Variants in MGAM2 observed in about 807,000 individuals in gnomAD.
MGAM2 encodes the protein probable maltase-glucoamylase 2.
In MGAM2, 98 loss-of-function variants were observed where a neutral mutation model predicts 96.1. The observed-to-expected ratio is 1.02, with a 90% CI of 0.87 to 1.21. The LOEUF (loss-of-function observed/expected upper bound fraction) is 1.21, where lower values mean the gene tolerates loss of function less well. Ranked by LOEUF, MGAM2 falls within the 50% of genes most tolerant of loss-of-function variation. The pLI, the probability that MGAM2 is intolerant of heterozygous loss-of-function variation, is 0.00. For synonymous variants in MGAM2, 749 were observed against 414.8 expected, an observed-to-expected ratio of 1.81 and a Z score of -9.79; for missense variants, 2,055 against 1,182.4, an observed-to-expected ratio of 1.74 and a Z score of -10.82.
chr7:142,130,893 A>G, intron 3 of MGAM2, 55 bp from the exon 4 acceptor site: 1 of 683,296 alleles, frequency 1.5e-6, no homozygotes, highest in East Asian at 2.7e-5. Flanking sequence ...AAATAGACAG[A>G]TAATACTTTC....
chr7:142,221,430 A>G lies in MGAM2; in HGVS notation c.6919A>G (p.Ile2307Val). 1 of 590,586 alleles carries G rather than the reference A, an allele frequency of 1.7e-6. No homozygotes were observed. The highest frequency in any genetic ancestry group is 3.0e-6 in the Non-Finnish European group (1 of 332,950). 36.6% of individuals were successfully genotyped at this position (590,586 alleles called of 1,614,324 possible). A position where few individuals can be genotyped will look rare whatever the true frequency, so the allele number is the denominator to read the frequency against. Residue 2307 changes from isoleucine (I) to valine (V), a missense_variant, in exon 48 of 48, where the codon ATT becomes GTT. Coordinates refer to ENST00000477922, the MANE Select transcript of MGAM2 (RefSeq NM_001293626.2). ...PTIPTHTLTSIPSSITSILSM... is the reference protein window; with the variant it reads ...PTIPTHTLTSVPSSITSILSM... Reference sequence around the variant, plus strand: ...CATTCCTACCCATACTCTTACTTCTATTCCTAGCTCTATTACTTCTATTTT... The same window carrying G: ...CATTCCTACCCATACTCTTACTTCTGTTCCTAGCTCTATTACTTCTATTTT...
At chr7:142,192,865 AT>A (rs1385996970) in intron 37 of MGAM2, among the ~76,000 whole-genome samples, 1 of 152,162 alleles carries the variant, frequency 6.6e-6, no homozygotes, top group Non-Finnish European at 1.5e-5. Flanking sequence ...AGGCTGTGAA[AT>A]CTTCTAACTA....
At position 142,185,989 on chromosome 7, in the gene MGAM2, C is replaced by A. The variant is rs1160423400; in HGVS notation, c.3988C>A (p.Leu1330Ile). 3 of 703,194 alleles carry A rather than the reference C, an allele frequency of 4.3e-6. No individual in the cohort carries two copies. In the Admixed American group the frequency reaches 6.0e-5, roughly 14 times the overall value. 43.6% of individuals were successfully genotyped at this position (703,194 alleles called of 1,614,324 possible). Residue 1330 changes from leucine to isoleucine, a missense_variant and splice_region_variant, in exon 35 of 48, where the codon CTT becomes ATT. Coordinates refer to ENST00000477922, the MANE Select transcript of MGAM2 (RefSeq NM_001293626.2). The part of the protein sequence containing the change: ...GSLDHETQVK[L>I]YRAYVAFPDF... ...ATGAGAGTGTGTGTTATTCTTACAG[C>A]TTTACAGGGCCTACGTTGCCTTTCC...
chr7:142,159,793 A>G (rs1276047959), intron 20 of MGAM2, among the ~76,000 whole-genome samples: 2 of 152,206 alleles, frequency 1.3e-5, no homozygotes, highest in Non-Finnish European at 2.9e-5. Context: ...CAAATGTACA[A>G]TGAAATAATT....
At chr7:142,201,513 A>G (rs968611480) in intron 45 of MGAM2, among the ~76,000 whole-genome samples, 1 of 152,238 alleles carries the variant, frequency 6.6e-6, no homozygotes, top group South Asian at 2.1e-4. Context: ...CATTTTAAGA[A>G]TACAGTTAGG....
rs768403258 is a variant in MGAM2 at position 142,220,088 on chromosome 7, T to C, written c.5577T>C (p.Pro1859=). 5.7e-6 allele frequency: 4 copies of C among 702,924 alleles called. No individual in the cohort carries two copies. The South Asian group carries it at 5.9e-5, about 10-fold the overall frequency. 43.5% of individuals were successfully genotyped at this position (702,924 alleles called of 1,614,324 possible). A position where few individuals can be genotyped will look rare whatever the true frequency, so the allele number is the denominator to read the frequency against. ...NTTTGTTDTV[P]ITTTSFPSTT... is the part of the protein sequence containing the mutation. The stretch of plus-strand genomic sequence containing the variant: ...CCACTGGCACTACTGATACTGTTCC[T>C]ATCACAACCACATCTTTCCCAAGTA... Residue 1859 remains proline (P), a synonymous_variant, in exon 48 of 48, where the codon CCT becomes CCC. Transcript: ENST00000477922.
At chr7:142,129,452 T>C (rs1005041375) in intron 3 of MGAM2, among the ~76,000 whole-genome samples, 2 of 152,158 alleles carry the variant, frequency 1.3e-5, no homozygotes, top group Admixed American at 6.5e-5. Flanking sequence ...CAGAATGACA[T>C]GGTTTGACTC....
chr7:142,128,804 G>A (rs1311296797), intron 3 of MGAM2, among the ~76,000 whole-genome samples: 1 of 152,210 alleles, frequency 6.6e-6, no homozygotes, highest in Admixed American at 6.5e-5. Flanking sequence ...CATAGGTGGA[G>A]TCCTTATGGA....
chr7:142,183,498 C>T (rs778610164), intron 33 of MGAM2, 125 bp downstream of exon 33: 53 of 602,810 alleles, frequency 8.8e-5, no homozygotes, highest in Non-Finnish European at 1.2e-4. Flanking sequence ...GAAATCTGTC[C>T]GATGCTGATT....
intron 10 of MGAM2, among the ~76,000 whole-genome samples, chr7:142,139,841 A>G (rs1795169202): frequency 2.6e-5 from 4 of 151,684 alleles, no homozygotes; most frequent in Admixed American, 2.0e-4. Context: ...TTTTGGTGTC[A>G]AAGGGGAATT....
chr7:142,149,143 C>T (rs186932305), intron 15 of MGAM2, among the ~76,000 whole-genome samples: 9 of 151,850 alleles, frequency 5.9e-5, no homozygotes, highest in Admixed American at 2.6e-4. Context: ...GCAGGAGGAT[C>T]GCTTGAACCC....
chr7:142,215,887 A>T (rs1025679250), intron 46 of MGAM2, among the ~76,000 whole-genome samples: 51 of 152,128 alleles, frequency 3.4e-4, no homozygotes, highest in Admixed American at 2.0e-3. Context: ...TTCACTTTTT[A>T]AAAAAATGTG....
chr7:142,174,289 A>T (rs570635290), intron 31 of MGAM2, among the ~76,000 whole-genome samples: 3 of 152,184 alleles, frequency 2.0e-5, no homozygotes, highest in Non-Finnish European at 4.4e-5. Context: ...CATTTTAATG[A>T]TACTGATTCT....
intron 40 of MGAM2, 51 bp downstream of exon 40, chr7:142,196,867 T>G (rs1235072837): frequency 2.8e-6 from 2 of 725,006 alleles, no homozygotes; most frequent in East Asian, 2.6e-5. Flanking sequence ...AATCATAACT[T>G]CTTTTTAACC....
intron 32 of MGAM2, among the ~76,000 whole-genome samples, chr7:142,179,930 T>C (rs1389394973): frequency 6.6e-6 from 1 of 152,138 alleles, no homozygotes; most frequent in Non-Finnish European, 1.5e-5. Context: ...TTCAGTAGGA[T>C]TGGAACCAGC....
Position 142,140,815 on chromosome 7 carries a change from C to G in MGAM2, c.1100C>G (p.Ser367Cys). 1.4e-6 allele frequency: 1 copy of G among 702,686 alleles called. No homozygotes were observed. The highest frequency in any genetic ancestry group is 1.5e-5 in the South Asian group (1 of 67,472). The allele number at this position is 702,686 out of a possible 1,614,324, so 43.5% of individuals were successfully genotyped here. A position where few individuals can be genotyped will look rare whatever the true frequency, so the allele number is the denominator to read the frequency against. ...GCTCTCTTTCAGGATGTCCAGTACT[C>G]TGACATAGACTACATGGATGGAAAG... ...LAEIPYDVQYSDIDYMDGKKD... is the reference protein window; with the variant it reads ...LAEIPYDVQYCDIDYMDGKKD... The change falls in exon 11 of 48, where the codon TCT (serine) becomes TGT (cysteine). Residue 367 changes from serine to cysteine, a missense_variant. Coordinates refer to ENST00000477922, the MANE Select transcript of MGAM2 (RefSeq NM_001293626.2).
At position 142,129,825 on chromosome 7, in the gene MGAM2, C is replaced by CAAAAAAAAAAAAAAAAAAAAAAAA. The variant is rs71166564; in HGVS notation, c.187-1106_187-1083dup. 3.3e-4 allele frequency among the ~76,000 whole-genome samples: 11 copies of CAAAAAAAAAAAAAAAAAAAAAAAA among 33,414 alleles called. 2 individuals are homozygous for CAAAAAAAAAAAAAAAAAAAAAAAA. The highest frequency in any genetic ancestry group is 3.7e-4 in the Non-Finnish European group (7 of 19,098). 21.9% of individuals were successfully genotyped at this position (33,414 alleles called of 152,430 possible). A position where few individuals can be genotyped will look rare whatever the true frequency, so the allele number is the denominator to read the frequency against. The stretch of plus-strand genomic sequence containing the variant: ...GGGCAACAAGAACAAAACTCTGTCT[C>CAAAAAAAAAAAAAAAAAAAAAAAA]AAAAAAAAAAAAAAAAAAAAAAAAA... On this transcript the variant is annotated intron_variant, in intron 3 of 47. Coordinates refer to ENST00000477922, the MANE Select transcript of MGAM2 (RefSeq NM_001293626.2).
rs558420737 is a variant in MGAM2 at position 142,198,208 on chromosome 7, A to G, written c.4923+13A>G. 1.9e-4 allele frequency: 136 copies of G among 702,190 alleles called. 2 individuals are homozygous for G. The South Asian group carries it at 2.0e-3, about 10-fold the overall frequency. 43.5% of individuals were successfully genotyped at this position (702,190 alleles called of 1,614,324 possible). ...TGACTATAGCACGGTAAGAACTAATATATTTGTGAAGAACCAGTTTGGTCT... is the reference window on the plus strand; with the variant it reads ...TGACTATAGCACGGTAAGAACTAATGTATTTGTGAAGAACCAGTTTGGTCT... On this transcript the variant is annotated intron_variant, in intron 43 of 47. Coordinates refer to ENST00000477922, the MANE Select transcript of MGAM2 (RefSeq NM_001293626.2).
intron 3 of MGAM2, among the ~76,000 whole-genome samples, chr7:142,129,564 C>A (rs540080814): frequency 1.5e-3 from 221 of 151,906 alleles, no homozygotes; most frequent in African/African-American, 5.1e-3. Flanking sequence ...GTGGCTCATG[C>A]CTGTAATCCC....
Sources: gnomAD v4.1 joint callset for allele counts (sites outside exome capture counted in the v4.1 genomes callset) on GRCh38, gnomAD v4.1.1 for gene constraint, MANE v1.5 for transcripts, NCBI Gene and HGNC (gene_info 2026-07-23, HGNC 2026-07-21) for gene names.